SIDT1: variants seen among roughly 807,000 people sequenced by gnomAD.
SIDT1 encodes the protein SID1 transmembrane family, member 1.
A neutral mutation model predicts 107.5 loss-of-function variants in SIDT1; 101 were observed. The observed-to-expected ratio is 0.94, with a 90% CI of 0.80 to 1.11. SIDT1 has a LOEUF of 1.11. SIDT1 is among the 50% of genes least tolerant of loss of function. SIDT1 has a pLI of 0.00. For synonymous variants in SIDT1, 395 were observed against 398.2 expected, an observed-to-expected ratio of 0.99 and a Z score of 0.10; for missense variants, 1,076 against 1,058.2, an observed-to-expected ratio of 1.02 and a Z score of -0.23.
downstream of SIDT1, among the ~76,000 whole-genome samples, chr3:113,629,984 T>A (rs1947074195): frequency 6.6e-6 from 1 of 152,218 alleles, no homozygotes; most frequent in East Asian, 1.9e-4. Flanking sequence ...GTCATTCAGC[T>A]GCATCTGTAG....
intron 21 of SIDT1, among the ~76,000 whole-genome samples, chr3:113,621,746 G>T (rs1040116836): frequency 6.6e-6 from 1 of 152,176 alleles, no homozygotes; most frequent in Non-Finnish European, 1.5e-5. Context: ...TTATTTGCTA[G>T]TTAGGCAAAA....
At chr3:113,544,794 T>A (rs897916084) in intron 1 of SIDT1, among the ~76,000 whole-genome samples, 1 of 152,086 alleles carries the variant, frequency 6.6e-6, no homozygotes. Flanking sequence ...CCACTGTAAA[T>A]TTACTGTTTC....
intron 8 of SIDT1, 44 bp downstream of exon 8, chr3:113,584,813 G>GA: frequency 7.6e-7 from 1 of 1,318,144 alleles, no homozygotes; most frequent in South Asian, 1.3e-5. Context: ...TCCTGTGTCA[G>GA]AAAATCAGTC....
intron 19 of SIDT1, 173 bp from the exon 20 acceptor site, chr3:113,615,927 G>A (rs369818841): frequency 9.3e-6 from 6 of 642,574 alleles, no homozygotes; most frequent in South Asian, 1.8e-5. Flanking sequence ...CCTCTATGAC[G>A]ATACCATTTT....
intron 23 of SIDT1, 22 bp downstream of exon 23, chr3:113,623,755 C>T: frequency 6.6e-7 from 1 of 1,505,606 alleles, no homozygotes; most frequent in Non-Finnish European, 9.2e-7. Flanking sequence ...GTTTTCTTAT[C>T]CAAAAACAAC....
chr3:113,599,028 G>A (rs1944768661), intron 10 of SIDT1, among the ~76,000 whole-genome samples: 1 of 152,240 alleles, frequency 6.6e-6, no homozygotes, highest in South Asian at 2.1e-4. Context: ...TACTCAAGAG[G>A]CTGAGGCAGG....
intron 1 of SIDT1, among the ~76,000 whole-genome samples, chr3:113,543,371 G>T (rs1353025332): frequency 1.3e-5 from 2 of 152,136 alleles, no homozygotes; most frequent in Non-Finnish European, 2.9e-5. Context: ...GCCGTTCTCA[G>T]ATTGGCCCTG....
intron 13 of SIDT1, 34 bp downstream of exon 13, chr3:113,604,067 T>A: frequency 7.0e-7 from 1 of 1,424,312 alleles, no homozygotes; most frequent in Non-Finnish European, 9.7e-7. Flanking sequence ...ATGGTTCCCT[T>A]AAATAAACAT....
intron 17 of SIDT1, among the ~76,000 whole-genome samples, chr3:113,609,754 A>G (rs1945607808): frequency 1.3e-5 from 2 of 152,224 alleles, no homozygotes; most frequent in South Asian, 2.1e-4. Context: ...AACATTTTCA[A>G]TAGAGAAAAC....
At chr3:113,597,819 T>C (rs1560098849) in intron 10 of SIDT1, among the ~76,000 whole-genome samples, 1 of 152,234 alleles carries the variant, frequency 6.6e-6, no homozygotes, top group African/African-American at 2.4e-5. Flanking sequence ...CGTAAGTGTC[T>C]GCTATTTCCA....
intron 3 of SIDT1, among the ~76,000 whole-genome samples, chr3:113,573,876 G>C (rs1410353087): frequency 1.3e-5 from 2 of 152,208 alleles, no homozygotes; most frequent in African/African-American, 4.8e-5. Context: ...ATAGCTGCCT[G>C]AATAGGCTAA....
chr3:113,547,480 A>G lies in SIDT1; in HGVS notation c.222+14237A>G, dbSNP rs144316818. 2.6e-5 allele frequency among the ~76,000 whole-genome samples: 4 copies of G among 152,260 alleles called. No individual in the cohort carries two copies. In the East Asian group the frequency reaches 7.7e-4, roughly 29 times the overall value. On this transcript the variant is annotated intron_variant, in intron 1 of 24. Coordinates refer to ENST00000264852, the MANE Select transcript of SIDT1 (RefSeq NM_017699.3). Reference sequence around the variant, plus strand: ...CCTTACTTTGAATTCTCGTTCCCTCATTTTTTGTTTTTGCTGTGACAATAA... The same window carrying G: ...CCTTACTTTGAATTCTCGTTCCCTCGTTTTTTGTTTTTGCTGTGACAATAA...
At chr3:113,566,360 G>C in intron 1 of SIDT1, 60 bp from the exon 2 acceptor site, 1 of 1,524,308 alleles carries the variant, frequency 6.6e-7, no homozygotes, top group Admixed American at 1.7e-5. Flanking sequence ...GTGTGTGTGT[G>C]TGTGTTTGCA....
chr3:113,545,114 TAAAAAAAAAAAA>T lies in SIDT1; in HGVS notation c.222+11887_222+11898del, dbSNP rs554009768. On this transcript the variant is annotated intron_variant, in intron 1 of 24. Transcript: ENST00000264852. Reference sequence around the variant, plus strand: ...CGGGCGACAGAGCGAGAGACTCTGTTAAAAAAAAAAAAAAAAAAAAAAAAAAAGTCATTCGTG... The same window carrying T: ...CGGGCGACAGAGCGAGAGACTCTGTTAAAAAAAAAAAAAAAGTCATTCGTG... Among the ~76,000 whole-genome samples the T allele has an allele frequency of 1.1e-4, 8 of 73,972 alleles. No homozygotes were observed. In the South Asian group the frequency reaches 3.8e-3, roughly 35 times the overall value. 48.5% of individuals were successfully genotyped at this position (73,972 alleles called of 152,430 possible). A position where few individuals can be genotyped will look rare whatever the true frequency, so the allele number is the denominator to read the frequency against.
chr3:113,555,632 G>A (rs1217411183), intron 1 of SIDT1, among the ~76,000 whole-genome samples: 2 of 152,088 alleles, frequency 1.3e-5, no homozygotes. Context: ...CTAGTTTATT[G>A]TTGGGCATAA....
At chr3:113,584,589 A>G (rs1943598043) in intron 7 of SIDT1, 109 bp from the exon 8 acceptor site, 3 of 704,078 alleles carry the variant, frequency 4.3e-6, no homozygotes, top group Non-Finnish European at 7.2e-6. Flanking sequence ...AGATTCAGTG[A>G]TCAGAATTAA....
At position 113,544,895 on chromosome 3, in the gene SIDT1, A is replaced by G. The variant is rs184117414; in HGVS notation, c.222+11652A>G. Among the ~76,000 whole-genome samples the G allele has an allele frequency of 3.5e-4, 54 of 152,138 alleles. No individual in the cohort carries two copies. In the East Asian group the frequency reaches 8.1e-3, roughly 23 times the overall value. On this transcript the variant is annotated intron_variant, in intron 1 of 24. Coordinates refer to ENST00000264852, the MANE Select transcript of SIDT1 (RefSeq NM_017699.3). The stretch of plus-strand genomic sequence containing the variant: ...TTGGGAGGCCAAGGTGGGCAGATCC[A>G]CCTGAGGTGAGGAGTTTGAGACCAG...
intron 1 of SIDT1, among the ~76,000 whole-genome samples, chr3:113,545,072 G>A (rs550455856): frequency 6.7e-5 from 9 of 134,438 alleles, no homozygotes; most frequent in South Asian, 4.6e-4. Context: ...CTGATATTGC[G>A]CCATTGCACT....
At chr3:113,593,115 T>G in intron 10 of SIDT1, 67 bp downstream of exon 10, 1 of 1,270,952 alleles carries the variant, frequency 7.9e-7, no homozygotes. Context: ...CATTTCATGC[T>G]TCTTTTACCT....
Sources: gnomAD v4.1 joint callset for allele counts (sites outside exome capture counted in the v4.1 genomes callset) on GRCh38, gnomAD v4.1.1 for gene constraint, MANE v1.5 for transcripts, NCBI Gene and HGNC (gene_info 2026-07-23, HGNC 2026-07-21) for gene names.